The following RAB9B variants were observed in gnomAD, a reference collection of about 807,000 sequenced individuals.
RAB9B encodes RAB9B, member RAS oncogene family.
Under a neutral mutation model 8.9 loss-of-function variants are expected in RAB9B, and 1 was observed. The observed-to-expected ratio is 0.11, with a 90% CI of 0.04 to 0.53. RAB9B has a LOEUF of 0.53. Ranked by LOEUF, RAB9B falls within the 20% of genes least tolerant of loss-of-function variation. The pLI is 0.93. For missense variants in RAB9B, 82 were observed against 152.9 expected, an observed-to-expected ratio of 0.54 and a Z score of 2.45; for synonymous variants, 63 against 57.0, an observed-to-expected ratio of 1.10 and a Z score of -0.47.
chrX:103,810,641 T>C, the RAB9B span, among the ~76,000 whole-genome samples: 968 of 112,008 alleles, frequency 8.6e-3, 10 homozygotes, highest in African/African-American at 0.03. Context: ...CACCTTCCTC[T>C]AGGCTTCTCA....
downstream of RAB9B, chrX:103,822,236 C>A (rs1005892239): frequency 8.9e-6 from 1 of 111,932 alleles, no homozygotes; most frequent in Non-Finnish European, 1.9e-5. Flanking sequence ...TCCAGTGCAG[C>A]CTGAAAGAGT....
chrX:103,809,120 C>T, the RAB9B span, among the ~76,000 whole-genome samples: 22 of 110,751 alleles, frequency 2.0e-4, no homozygotes, highest in Non-Finnish European at 3.0e-4. Flanking sequence ...CATTGGTGTC[C>T]TTATAAGAAA....
In RAB9B at chrX:103,824,302, A is replaced by G. The variant is rs1602401305; in HGVS notation, c.*877T>C. On this transcript the variant is annotated 3_prime_UTR_variant, in exon 3 of 3. Transcript: ENST00000243298. ...ATGAAGCCTTCTCCATGAGCCCAGC[A>G]TGTTGGATCAAAGGACCATCTAAAT... is the stretch of plus-strand genomic sequence containing the variant. 8.9e-6 allele frequency: 1 copy of G among 112,504 alleles called. No individual in the cohort carries two copies. Among genetic ancestry groups the G allele is most frequent in the African/African-American group, 3.2e-5 (1 of 31,031 alleles). The allele number at this position is 112,504 out of a possible 1,213,427, so 9.3% of individuals were successfully genotyped here. A position where few individuals can be genotyped will look rare whatever the true frequency, so the allele number is the denominator to read the frequency against.
the RAB9B span, chrX:103,789,098 G>T: frequency 2.3e-6 from 1 of 426,564 alleles, no homozygotes. Flanking sequence ...TAATTATTTT[G>T]GAGTACTGTA....
At chrX:103,819,049 G>T (rs1300635167), downstream of RAB9B, among the ~76,000 whole-genome samples, 3 of 111,144 alleles carry the variant, frequency 2.7e-5, no homozygotes, top group African/African-American at 9.8e-5. Context: ...CACACCCTTG[G>T]ATATGTCGTT....
At chrX:103,781,418 G>T in the RAB9B span, 1 of 253,200 alleles carries the variant, frequency 3.9e-6, no homozygotes, top group Non-Finnish European at 8.0e-6. Flanking sequence ...CTTGTTTTGG[G>T]AGTTTGTATA....
At chrX:103,810,198 C>T in the RAB9B span, among the ~76,000 whole-genome samples, 1 of 111,604 alleles carries the variant, frequency 9.0e-6, no homozygotes, top group Non-Finnish European at 1.9e-5. Flanking sequence ...AAAGAAGGCA[C>T]CAGCTAGGCA....
the RAB9B span, among the ~76,000 whole-genome samples, chrX:103,809,612 T>C: frequency 3.6e-5 from 4 of 111,927 alleles, no homozygotes; most frequent in Non-Finnish European, 7.5e-5. Flanking sequence ...ATTTCTGTTG[T>C]TTTTAACCAC....
chrX:103,806,016 C>A, the RAB9B span, among the ~76,000 whole-genome samples: 1 of 111,500 alleles, frequency 9.0e-6, no homozygotes, highest in East Asian at 2.8e-4. Context: ...TCAGAGCTCA[C>A]TGAAACCTTG....
the RAB9B span, among the ~76,000 whole-genome samples, chrX:103,803,507 T>C: frequency 2.7e-5 from 3 of 112,791 alleles, no homozygotes; most frequent in Middle Eastern, 4.2e-3. Flanking sequence ...TTTAGAGAAA[T>C]GTCTATGAGA....
the RAB9B span, among the ~76,000 whole-genome samples, chrX:103,814,854 C>T: frequency 3.6e-5 from 4 of 111,700 alleles, no homozygotes; most frequent in Non-Finnish European, 7.5e-5. Flanking sequence ...GGATAAATTC[C>T]TGGACACATA....
At chrX:103,777,777 G>C in the RAB9B span, among the ~76,000 whole-genome samples, 2 of 112,570 alleles carry the variant, frequency 1.8e-5, no homozygotes. Flanking sequence ...TCTGGTGGTA[G>C]TTTCTACTCA....
the RAB9B span, among the ~76,000 whole-genome samples, chrX:103,784,425 CAA>C: frequency 5.4e-5 from 6 of 111,732 alleles, no homozygotes; most frequent in East Asian, 1.1e-3. Flanking sequence ...AACTGCCATA[CAA>C]AGTGTCCAAA....
chrX:103,796,970 T>C, the RAB9B span, among the ~76,000 whole-genome samples: 1 of 105,184 alleles, frequency 9.5e-6, no homozygotes, highest in South Asian at 4.5e-4. Context: ...GCGGGTGCAG[T>C]GAGCTGTGAT....
chrX:103,786,845 G>A, the RAB9B span: 2 of 764,396 alleles, frequency 2.6e-6, no homozygotes, highest in South Asian at 4.5e-5. Flanking sequence ...TTTGAGTGAG[G>A]AAGCGATGGC....
In RAB9B at chrX:103,823,051, T is replaced by A. The variant is rs1326291329; in HGVS notation, c.*2128A>T. The A allele has an allele frequency of 9.0e-6, 1 of 110,928 alleles. No homozygotes were observed. Among genetic ancestry groups the A allele is most frequent in the African/African-American group, 3.3e-5 (1 of 30,448 alleles). The allele number at this position is 110,928 out of a possible 1,213,427, so 9.1% of individuals were successfully genotyped here. On this transcript the variant is annotated 3_prime_UTR_variant, in exon 3 of 3. Transcript: ENST00000243298. ...GCCACTCTAATAGAGACAAATACTT[T>A]TGTGAGTTGATAGAGGTCTTTATGA...
At chrX:103,796,623 A>T in the RAB9B span, among the ~76,000 whole-genome samples, 7 of 110,421 alleles carry the variant, frequency 6.3e-5, no homozygotes, top group Non-Finnish European at 1.3e-4. Flanking sequence ...TATGAGGCAG[A>T]AGCAACTATT....
chrX:103,787,536 C>T, the RAB9B span: 326 of 422,641 alleles, frequency 7.7e-4, 3 homozygotes, highest in Admixed American at 0.012. Context: ...CAAAAACATC[C>T]TCTGAAGCCT....
chrX:103,831,623 G>GA (rs2074703964), intron 1 of RAB9B, among the ~76,000 whole-genome samples: 1 of 106,095 alleles, frequency 9.4e-6, no homozygotes, highest in Non-Finnish European at 1.9e-5. Context: ...TGAACACAAG[G>GA]AAAAAAAGCT....
Sources: gnomAD v4.1 joint callset for allele counts (sites outside exome capture counted in the v4.1 genomes callset) on GRCh38, gnomAD v4.1.1 for gene constraint, MANE v1.5 for transcripts, NCBI Gene and HGNC (gene_info 2026-07-23, HGNC 2026-07-21) for gene names.